Variants in CBFA2T3 observed in about 807,000 individuals in gnomAD.
CBFA2T3 encodes transcriptional corepressor CBFA2T3.
In CBFA2T3, 31 loss-of-function variants were observed where a neutral mutation model predicts 58.6. The ratio of observed to expected loss-of-function variants is 0.53; its 90% CI spans 0.40 to 0.71. The LOEUF (loss-of-function observed/expected upper bound fraction) is 0.71. CBFA2T3 is among the 30% of genes least tolerant of loss of function. The probability of loss-of-function intolerance (pLI) is 0.00; values close to 1 mark genes in which losing one functional copy is unlikely to be tolerated. For missense variants in CBFA2T3, 1,076 were observed against 963.1 expected, an observed-to-expected ratio of 1.12 and a Z score of -1.55; for synonymous variants, 531 against 421.9, an observed-to-expected ratio of 1.26 and a Z score of -3.17.
chr16:88,893,404 T>C (rs1384754809), intron 3 of CBFA2T3, among the ~76,000 whole-genome samples: 2 of 151,692 alleles, frequency 1.3e-5, no homozygotes, highest in South Asian at 2.1e-4. Flanking sequence ...CCCTGAGCAA[T>C]GTCCCAGACA....
intron 10 of CBFA2T3, chr16:88,879,890 G>C (rs1169479715): frequency 5.7e-6 from 1 of 175,578 alleles, no homozygotes; most frequent in Non-Finnish European, 1.2e-5. Flanking sequence ...GGGAGCTGCT[G>C]CTGACCTGAA....
intron 1 of CBFA2T3, among the ~76,000 whole-genome samples, chr16:88,929,093 T>TG (rs35891518): frequency 0.28 from 42,382 of 151,946 alleles, 6,810 homozygotes; most frequent in Middle Eastern, 0.47. Flanking sequence ...AGACCTGGGA[T>TG]GGGGGTCAGG....
intron 1 of CBFA2T3, among the ~76,000 whole-genome samples, chr16:88,957,083 A>C (rs1328013972): frequency 6.6e-6 from 1 of 152,092 alleles, no homozygotes; most frequent in Non-Finnish European, 1.5e-5. Flanking sequence ...TCTCTCCCGG[A>C]ACAAAACCGC....
intron 1 of CBFA2T3, among the ~76,000 whole-genome samples, chr16:88,930,181 C>T (rs985761696): frequency 5.5e-4 from 81 of 148,340 alleles, no homozygotes; most frequent in East Asian, 3.6e-3. Context: ...GCAAAAGCTA[C>T]CAATACCCAC....
chr16:88,908,396 C>T (rs1460410861), intron 1 of CBFA2T3, among the ~76,000 whole-genome samples: 1 of 152,158 alleles, frequency 6.6e-6, no homozygotes, highest in African/African-American at 2.4e-5. Flanking sequence ...GAGGCCGCTC[C>T]CCGGGGCCCA....
chr16:88,967,176 G>A (rs1182528695), intron 1 of CBFA2T3, among the ~76,000 whole-genome samples: 8 of 47,930 alleles, frequency 1.7e-4, no homozygotes, highest in Admixed American at 5.5e-4. Flanking sequence ...CCCAGCCCCC[G>A]AGGTGCCACT....
At chr16:88,879,550 G>C in intron 10 of CBFA2T3, 90 bp from the exon 11 acceptor site, 1 of 1,175,580 alleles carries the variant, frequency 8.5e-7, no homozygotes, top group Non-Finnish European at 1.2e-6. Flanking sequence ...CCTGGGGACA[G>C]GGGCTGTGTG....
intron 1 of CBFA2T3, among the ~76,000 whole-genome samples, chr16:88,969,221 C>G (rs988735291): frequency 6.6e-6 from 1 of 152,198 alleles, no homozygotes; most frequent in African/African-American, 2.4e-5. Context: ...GGTCCCCTCC[C>G]CCACTCTGTC....
chr16:88,925,414 G>A (rs558282702), intron 1 of CBFA2T3, among the ~76,000 whole-genome samples: 7 of 152,306 alleles, frequency 4.6e-5, no homozygotes, highest in African/African-American at 1.2e-4. Context: ...CCAGGGGGTG[G>A]TGCTGCTGAG....
intron 1 of CBFA2T3, among the ~76,000 whole-genome samples, chr16:88,924,240 C>T (rs1971013654): frequency 6.6e-6 from 1 of 152,182 alleles, no homozygotes; most frequent in Non-Finnish European, 1.5e-5. Flanking sequence ...CTCTCTGGGC[C>T]CCGCCTTCCT....
Position 88,889,166 on chromosome 16 carries a change from G to A in CBFA2T3, c.711+2716C>T, listed in dbSNP as rs1326947028. Among the ~76,000 whole-genome samples the A allele has an allele frequency of 4.0e-5, 6 of 151,752 alleles. No homozygotes were observed. In the South Asian group the frequency reaches 1.2e-3, roughly 32 times the overall value. On this transcript the variant is annotated intron_variant, in intron 5 of 11. Coordinates refer to ENST00000268679, the MANE Select transcript of CBFA2T3 (RefSeq NM_005187.6). ...CAAGTTAAAAGAAGGGAAGGGAAGGGCCGCTAACGAACTGCAAACGACGCC... is the reference window on the plus strand; with the variant it reads ...CAAGTTAAAAGAAGGGAAGGGAAGGACCGCTAACGAACTGCAAACGACGCC...
At chr16:88,890,199 G>T (rs557085029) in intron 5 of CBFA2T3, among the ~76,000 whole-genome samples, 1 of 152,168 alleles carries the variant, frequency 6.6e-6, no homozygotes, top group Non-Finnish European at 1.5e-5. Flanking sequence ...ATTCCCCTGA[G>T]CCCGGGAGTG....
chr16:88,910,277 C>T (rs764119315), intron 1 of CBFA2T3, among the ~76,000 whole-genome samples: 8 of 152,178 alleles, frequency 5.3e-5, no homozygotes, highest in Non-Finnish European at 8.8e-5. Context: ...TGCTGCAGCC[C>T]GCGCGGCCCT....
At chr16:88,921,606 G>T (rs1184980417) in intron 1 of CBFA2T3, among the ~76,000 whole-genome samples, 3 of 147,992 alleles carry the variant, frequency 2.0e-5, no homozygotes, top group Non-Finnish European at 3.0e-5. Context: ...GGGGGAGGGA[G>T]GGGGGGCGGT....
At chr16:88,960,343 G>A (rs1040218650) in intron 1 of CBFA2T3, among the ~76,000 whole-genome samples, 2 of 152,212 alleles carry the variant, frequency 1.3e-5, no homozygotes, top group Non-Finnish European at 2.9e-5. Context: ...CCAGGTCGAC[G>A]GGGTTATGGG....
chr16:88,902,674 AG>A (rs1456033106), intron 1 of CBFA2T3, among the ~76,000 whole-genome samples: 1 of 152,196 alleles, frequency 6.6e-6, no homozygotes, highest in Non-Finnish European at 1.5e-5. Context: ...TGCGGGTGTA[AG>A]CCCCAGGGCC....
rs1972886143 is a variant in CBFA2T3 at position 88,977,193 on chromosome 16, G to A, written c.-386C>T. On this transcript the variant is annotated 5_prime_UTR_variant, in exon 1 of 12. It introduces an in-frame stop codon into an upstream open reading frame of the 5' UTR. Transcript: ENST00000268679. ...GCCCTGCCCTGCGCGGCCTTCCCTC[G>A]GGCCATTCCGGTTTGACCTTCCAAC... 5 of 265,250 alleles carry A rather than the reference G, an allele frequency of 1.9e-5. No homozygotes were observed. The highest frequency in any genetic ancestry group is 1.1e-4 in the South Asian group (1 of 8,810). The allele number at this position is 265,250 out of a possible 1,614,324, so 16.4% of individuals were successfully genotyped here.
intron 1 of CBFA2T3, among the ~76,000 whole-genome samples, chr16:88,916,379 T>G (rs570892231): frequency 7.9e-5 from 12 of 152,088 alleles, no homozygotes; most frequent in Admixed American, 2.6e-4. Context: ...TACACATACA[T>G]GGGGGTGTAT....
At chr16:88,897,410 C>G (rs530339942) in intron 3 of CBFA2T3, among the ~76,000 whole-genome samples, 1 of 152,372 alleles carries the variant, frequency 6.6e-6, no homozygotes, top group Non-Finnish European at 1.5e-5. Flanking sequence ...CTGATGGGCT[C>G]AAGCATGGCT....
Sources: allele counts gnomAD v4.1 joint callset (sites outside exome capture counted in the v4.1 genomes callset), GRCh38; gene constraint gnomAD v4.1.1; transcripts MANE v1.5; gene names NCBI Gene and HGNC (gene_info 2026-07-23, HGNC 2026-07-21).